CBR4: variants seen among roughly 807,000 people sequenced by gnomAD.
CBR4 encodes 3-oxoacyl-[acyl-carrier-protein] reductase.
CBR4 carries 22 observed loss-of-function variants against 21.0 expected under a neutral mutation model. That is an observed-to-expected ratio of 1.05 (90% confidence interval 0.75 to 1.50). The LOEUF (loss-of-function observed/expected upper bound fraction) is 1.50. Ranked by LOEUF, CBR4 falls within the 40% of genes most tolerant of loss-of-function variation. The probability of loss-of-function intolerance (pLI) is 0.00; values close to 1 mark genes in which losing one functional copy is unlikely to be tolerated. For missense variants in CBR4, 302 were observed against 286.3 expected (o/e 1.05, Z -0.40); for synonymous variants, 100 against 104.4 (o/e 0.96, Z 0.26).
intron 2 of CBR4, among the ~76,000 whole-genome samples, chr4:168,962,797 G>A (rs796067083): frequency 1.3e-5 from 2 of 152,232 alleles, no homozygotes; most frequent in African/African-American, 4.8e-5. Flanking sequence ...CAACAGCTAA[G>A]AGACCAGCAG....
chr4:168,904,889 G>A (rs1178672145), intron 2 of CBR4, among the ~76,000 whole-genome samples: 1 of 152,066 alleles, frequency 6.6e-6, no homozygotes, highest in East Asian at 1.9e-4. Context: ...CACTTTGGGA[G>A]GCTGAGGCAG....
chr4:168,894,732 A>G, exon 3 of CBR4: 1 of 1,582,602 alleles, frequency 6.3e-7, no homozygotes, highest in Non-Finnish European at 8.6e-7. Flanking sequence ...CCCCTTTTCC[A>G]TCTTCCTTAT....
chr4:168,944,157 G>C (rs146268766), intron 2 of CBR4, among the ~76,000 whole-genome samples: 4 of 152,092 alleles, frequency 2.6e-5, no homozygotes, highest in African/African-American at 9.6e-5. Context: ...AAAGTTTTGA[G>C]TTTTTACCTG....
chr4:169,003,805 G>T (rs1730662288), intron 3 of CBR4, among the ~76,000 whole-genome samples: 1 of 152,186 alleles, frequency 6.6e-6, no homozygotes, highest in African/African-American at 2.4e-5. Flanking sequence ...GTAGGGACAT[G>T]AATGAAATTG....
rs112674359 is a variant in CBR4 at position 168,930,023 on chromosome 4, A to G, written n.170-35258T>C. On this transcript the variant is annotated intron_variant and non_coding_transcript_variant, in intron 2 of 3. Transcript: ENST00000509108. ...ATTATGAATGTAGGCAACAAAACAC[A>G]ACAGTATAAAATACCTGGGACTGTC... Among the ~76,000 whole-genome samples the G allele has an allele frequency of 9.3e-4, 141 of 152,322 alleles. 1 individual carries two copies. Among genetic ancestry groups the G allele is most frequent in the African/African-American group, 3.3e-3 (136 of 41,578 alleles).
intron 2 of CBR4, among the ~76,000 whole-genome samples, chr4:168,958,116 C>A (rs1578936356): frequency 6.6e-6 from 1 of 152,048 alleles, no homozygotes; most frequent in South Asian, 2.1e-4. Flanking sequence ...AATACAAAAA[C>A]TAGCCAGCGT....
At chr4:168,946,085 T>C (rs917443414) in intron 2 of CBR4, among the ~76,000 whole-genome samples, 3 of 152,150 alleles carry the variant, frequency 2.0e-5, no homozygotes, top group Non-Finnish European at 4.4e-5. Flanking sequence ...ATACCTTGCA[T>C]AGGAGACGGA....
Position 168,921,851 on chromosome 4 carries a change from A to G in CBR4, n.170-27086T>C. 3 of 879,702 alleles carry G rather than the reference A, an allele frequency of 3.4e-6. No homozygotes were observed. In the South Asian group the frequency reaches 4.2e-5, roughly 12 times the overall value. 54.5% of individuals were successfully genotyped at this position (879,702 alleles called of 1,614,324 possible). A position where few individuals can be genotyped will look rare whatever the true frequency, so the allele number is the denominator to read the frequency against. On this transcript the variant is annotated intron_variant and non_coding_transcript_variant, in intron 2 of 3. Transcript: ENST00000509108. ...ACGGAAAATAAAGTATTGAAAAAAT[A>G]GATTGTATCATCAAAATAGCCAATG...
At chr4:168,972,169 A>G (rs888280151) in intron 2 of CBR4, among the ~76,000 whole-genome samples, 3 of 152,046 alleles carry the variant, frequency 2.0e-5, no homozygotes, top group Non-Finnish European at 4.4e-5. Flanking sequence ...GTATCATGCT[A>G]TTTGATAAGT....
At chr4:168,987,383 T>C (rs1194169356), downstream of CBR4, among the ~76,000 whole-genome samples, 1 of 152,218 alleles carries the variant, frequency 6.6e-6, no homozygotes, top group African/African-American at 2.4e-5. Context: ...ATATCCAATA[T>C]ACTCAGAGAT....
At chr4:168,952,478 G>GT (rs1161538962) in intron 2 of CBR4, among the ~76,000 whole-genome samples, 1 of 152,110 alleles carries the variant, frequency 6.6e-6, no homozygotes, top group Non-Finnish European at 1.5e-5. Flanking sequence ...TTTTGGGGGG[G>GT]TGTTAAAGAG....
At chr4:168,910,201 T>C (rs1758627727) in intron 2 of CBR4, among the ~76,000 whole-genome samples, 1 of 149,742 alleles carries the variant, frequency 6.7e-6, no homozygotes, top group Admixed American at 6.7e-5. Flanking sequence ...CTTTCCAGAG[T>C]AGTATGCCAA....
chr4:168,966,610 G>A (rs1764043766), intron 2 of CBR4, among the ~76,000 whole-genome samples: 1 of 152,162 alleles, frequency 6.6e-6, no homozygotes, highest in Non-Finnish European at 1.5e-5. Context: ...CTGTTGGTGG[G>A]TGTGTAAATT....
At chr4:169,005,648 G>GT (rs1560993671) in intron 3 of CBR4, among the ~76,000 whole-genome samples, 2 of 152,040 alleles carry the variant, frequency 1.3e-5, no homozygotes, top group African/African-American at 4.8e-5. Context: ...TTGCCTGCTT[G>GT]TAAGTATCCA....
chr4:168,908,036 A>G (rs1269905609), intron 2 of CBR4, among the ~76,000 whole-genome samples: 1 of 152,238 alleles, frequency 6.6e-6, no homozygotes, highest in African/African-American at 2.4e-5. Flanking sequence ...TCTAGGCCTC[A>G]GTGTGTAAAT....
chr4:168,916,886 G>C (rs937667106), intron 2 of CBR4, among the ~76,000 whole-genome samples: 1 of 151,634 alleles, frequency 6.6e-6, no homozygotes, highest in Non-Finnish European at 1.5e-5. Flanking sequence ...GGTCAGGCTG[G>C]TCTCAAACTC....
At chr4:168,894,841 A>G (rs1754772417) in intron 2 of CBR4, 1 of 1,106,402 alleles carries the variant, frequency 9.0e-7, no homozygotes, top group Non-Finnish European at 1.3e-6. Flanking sequence ...ATTTTTATTG[A>G]GCACATACTA....
downstream of CBR4, among the ~76,000 whole-genome samples, chr4:168,987,051 T>A (rs1287149303): frequency 6.6e-6 from 1 of 152,220 alleles, no homozygotes; most frequent in Non-Finnish European, 1.5e-5. Context: ...GGTCTCCTGA[T>A]GTATGTTTCA....
At chr4:168,938,559 C>T (rs1336501749) in intron 2 of CBR4, among the ~76,000 whole-genome samples, 1 of 151,976 alleles carries the variant, frequency 6.6e-6, no homozygotes, top group African/African-American at 2.4e-5. Context: ...AAATAGACCA[C>T]TAGCCAGGCT....
Sources: gnomAD v4.1 joint callset for allele counts (sites outside exome capture counted in the v4.1 genomes callset) on GRCh38, gnomAD v4.1.1 for gene constraint, MANE v1.5 for transcripts, NCBI Gene and HGNC (gene_info 2026-07-23, HGNC 2026-07-21) for gene names.